PTPRT: variants seen among roughly 807,000 people sequenced by gnomAD.
PTPRT encodes the protein protein tyrosine phosphatase receptor type T.
PTPRT carries 56 observed loss-of-function variants against 176.8 expected under a neutral mutation model. The ratio of observed to expected loss-of-function variants is 0.32; its 90% CI spans 0.26 to 0.40. PTPRT has a LOEUF of 0.40. Among genes scored for constraint, PTPRT ranks in the 10% least tolerant of loss-of-function variants. PTPRT has a pLI of 1.00. For synonymous variants in PTPRT, 783 were observed against 739.0 expected, an observed-to-expected ratio of 1.06 and a Z score of -0.96; for missense variants, 1,540 against 1,908.2, an observed-to-expected ratio of 0.81 and a Z score of 3.60.
chr20:42,520,683 T>A (rs1259007779), intron 7 of PTPRT, among the ~76,000 whole-genome samples: 1 of 152,072 alleles, frequency 6.6e-6, no homozygotes, highest in Non-Finnish European at 1.5e-5. Flanking sequence ...TATCTAAGGA[T>A]GCCTAGTTCC....
chr20:42,818,800 A>C (rs2077837558), intron 2 of PTPRT, among the ~76,000 whole-genome samples: 2 of 152,244 alleles, frequency 1.3e-5, no homozygotes, highest in Admixed American at 1.3e-4. Context: ...AAAGGATATC[A>C]GAGTTTGAAG....
At chr20:42,621,931 G>A (rs1359863904) in intron 7 of PTPRT, among the ~76,000 whole-genome samples, 2 of 152,116 alleles carry the variant, frequency 1.3e-5, no homozygotes, top group Admixed American at 6.5e-5. Flanking sequence ...GACCCCTTTG[G>A]CAGGGTTAAG....
At chr20:42,445,596 C>T (rs2059355241) in intron 9 of PTPRT, among the ~76,000 whole-genome samples, 1 of 152,180 alleles carries the variant, frequency 6.6e-6, no homozygotes, top group Non-Finnish European at 1.5e-5. Context: ...TTACAGCATC[C>T]CTCAATAATT....
the PTPRT span, among the ~76,000 whole-genome samples, chr20:42,038,387 G>T: frequency 3.9e-5 from 6 of 152,214 alleles, no homozygotes; most frequent in Non-Finnish European, 8.8e-5. Context: ...TCCAAGAGAA[G>T]TGTTAGGCAT....
At chr20:42,221,982 G>A (rs929426056) in intron 15 of PTPRT, among the ~76,000 whole-genome samples, 1 of 152,140 alleles carries the variant, frequency 6.6e-6, no homozygotes, top group African/African-American at 2.4e-5. Context: ...GGGACACAGA[G>A]CCAAACCACA....
intron 1 of PTPRT, among the ~76,000 whole-genome samples, chr20:43,182,197 C>T (rs539449475): frequency 5.7e-4 from 86 of 152,206 alleles, no homozygotes; most frequent in African/African-American, 2.0e-3. Context: ...CTTGTGTCTG[C>T]TCCTAGAACC....
chr20:42,348,370 T>TATTTATTTATTTA (rs2058225860), intron 11 of PTPRT, among the ~76,000 whole-genome samples: 19 of 146,618 alleles, frequency 1.3e-4, no homozygotes, highest in African/African-American at 4.8e-4. Flanking sequence ...GTGACATTTC[T>TATTTATTTATTTA]TTTATTTATT....
chr20:42,497,781 G>A (rs531636668), intron 7 of PTPRT, among the ~76,000 whole-genome samples: 123 of 152,132 alleles, frequency 8.1e-4, no homozygotes, highest in African/African-American at 2.7e-3. Context: ...CATAAGAGCC[G>A]CATTCTCAAT....
chr20:42,468,295 A>G (rs2071134177), intron 8 of PTPRT, among the ~76,000 whole-genome samples: 1 of 152,200 alleles, frequency 6.6e-6, no homozygotes, highest in Admixed American at 6.5e-5. Flanking sequence ...CAGTTAATCT[A>G]CTAGAGCCAC....
At chr20:42,953,299 C>A (rs11907635) in intron 1 of PTPRT, among the ~76,000 whole-genome samples, 10,954 of 152,190 alleles carry the variant, frequency 0.072, 1,145 homozygotes, top group African/African-American at 0.23. Context: ...TGAGGCAGGC[C>A]TGGCCATCCA....
intron 2 of PTPRT, among the ~76,000 whole-genome samples, chr20:42,833,928 A>G (rs560651903): frequency 6.6e-6 from 1 of 152,284 alleles, no homozygotes; most frequent in South Asian, 2.1e-4. Context: ...ACAGGAAAAA[A>G]TCTTTGTGGC....
intron 23 of PTPRT, among the ~76,000 whole-genome samples, chr20:42,107,623 A>C (rs1435573020): frequency 6.6e-6 from 1 of 152,200 alleles, no homozygotes; most frequent in Admixed American, 6.5e-5. Context: ...GCTCTGAAAC[A>C]TCAGTGCTGA....
At chr20:42,166,287 C>G (rs1191877271) in intron 16 of PTPRT, among the ~76,000 whole-genome samples, 2 of 152,228 alleles carry the variant, frequency 1.3e-5, no homozygotes, top group Admixed American at 6.5e-5. Context: ...AAGAACCTTA[C>G]ACATTGACAC....
intron 3 of PTPRT, among the ~76,000 whole-genome samples, chr20:42,781,670 T>G (rs1195670490): frequency 6.6e-6 from 1 of 152,222 alleles, no homozygotes; most frequent in Non-Finnish European, 1.5e-5. Flanking sequence ...CTTAAAATTC[T>G]CAGCAGTTTT....
At chr20:43,158,656 C>A (rs1039594352) in intron 1 of PTPRT, among the ~76,000 whole-genome samples, 1 of 152,168 alleles carries the variant, frequency 6.6e-6, no homozygotes, top group Non-Finnish European at 1.5e-5. Context: ...CTGCAAGGCA[C>A]CCCAAGGGGT....
chr20:42,647,400 C>T (rs917129986), intron 7 of PTPRT, among the ~76,000 whole-genome samples: 1 of 152,020 alleles, frequency 6.6e-6, no homozygotes, highest in African/African-American at 2.4e-5. Flanking sequence ...TAAATGGTCC[C>T]CTCATATGCT....
chr20:42,454,820 T>C (rs1350095211), intron 8 of PTPRT, among the ~76,000 whole-genome samples: 1 of 152,232 alleles, frequency 6.6e-6, no homozygotes, highest in East Asian at 1.9e-4. Context: ...TAGCAGACAC[T>C]GTTGATGGCC....
intron 9 of PTPRT, among the ~76,000 whole-genome samples, chr20:42,437,011 A>G (rs987887178): frequency 1.3e-4 from 20 of 152,246 alleles, no homozygotes; most frequent in African/African-American, 4.8e-4. Flanking sequence ...TAGCAAAACT[A>G]TATAAAATAT....
chr20:42,722,990 T>G (rs753975997), intron 6 of PTPRT, among the ~76,000 whole-genome samples: 29 of 152,304 alleles, frequency 1.9e-4, no homozygotes, highest in Non-Finnish European at 3.7e-4. Flanking sequence ...GTACAAATCC[T>G]GCTTCTGATA....
Sources: allele counts gnomAD v4.1 joint callset (sites outside exome capture counted in the v4.1 genomes callset), GRCh38; gene constraint gnomAD v4.1.1; transcripts MANE v1.5; gene names NCBI Gene and HGNC (gene_info 2026-07-23, HGNC 2026-07-21).